Variants in ABCC4 observed in about 807,000 individuals in gnomAD.
The protein encoded by ABCC4 is ATP binding cassette subfamily C member 4 (PEL blood group), also known as ATP-binding cassette sub-family C member 4.
In ABCC4, 102 loss-of-function variants were observed where a neutral mutation model predicts 168.5. That is an observed-to-expected ratio of 0.61 (90% confidence interval 0.52 to 0.71). ABCC4 has a LOEUF of 0.71. ABCC4 is among the 30% of genes least tolerant of loss of function. ABCC4 has a pLI of 0.00. For missense variants in ABCC4, 1,402 were observed against 1,605.8 expected (o/e 0.87, Z 2.17); for synonymous variants, 617 against 590.7 (o/e 1.04, Z -0.65).
At chr13:95,162,763 C>A (rs1412506354) in intron 18 of ABCC4, among the ~76,000 whole-genome samples, 4 of 152,170 alleles carry the variant, frequency 2.6e-5, no homozygotes, top group African/African-American at 9.7e-5. Flanking sequence ...ACCATCCGAA[C>A]CACAGGGTGG....
At chr13:95,097,616 T>TTC (rs59539583) in intron 20 of ABCC4, among the ~76,000 whole-genome samples, 7 of 120,028 alleles carry the variant, frequency 5.8e-5, no homozygotes, top group East Asian at 2.3e-4. Context: ...TTTTTTTTTT[T>TTC]CAAATGCACA....
intron 25 of ABCC4, among the ~76,000 whole-genome samples, chr13:95,067,736 T>C (rs1236233457): frequency 6.6e-6 from 1 of 152,116 alleles, no homozygotes; most frequent in East Asian, 1.9e-4. Flanking sequence ...GAAACTAATA[T>C]TTTTGCACAC....
chr13:95,028,353 T>C (rs2031647524), intron 30 of ABCC4, among the ~76,000 whole-genome samples: 1 of 151,978 alleles, frequency 6.6e-6, no homozygotes, highest in Non-Finnish European at 1.5e-5. Context: ...CCAAAGAACA[T>C]CTAGAAAAAC....
Position 95,034,704 on chromosome 13 carries a change from C to G in ABCC4, c.3771G>C (p.Glu1257Asp). The G allele has an allele frequency of 6.2e-7, 1 of 1,614,212 alleles. No homozygotes were observed. Among genetic ancestry groups the G allele is most frequent in the Non-Finnish European group, 8.5e-7 (1 of 1,180,044 alleles). The change falls in exon 30 of 31, where the codon GAG (glutamate) becomes GAC (aspartate). Residue 1257 changes from glutamate to aspartate, a missense_variant. By Grantham distance (45) the Glu-to-Asp change is conservative. Coordinates refer to ENST00000645237, the MANE Select transcript of ABCC4 (RefSeq NM_005845.5). ...LDSGRLKEYD[E>D]PYVLLQNKES... The stretch of plus-strand genomic sequence containing the variant: ...CTTTATTTTGCAGCAAAACATACGG[C>G]TCATCATATTCTTTCAGTCTTCCTG...
At position 95,274,494 on chromosome 13, in the gene ABCC4, G is replaced by A. The variant is rs531133557; in HGVS notation, c.75-26741C>T. Among the ~76,000 whole-genome samples, 3 of 152,294 alleles carry A rather than the reference G, an allele frequency of 2.0e-5. No homozygotes were observed. In the East Asian group the frequency reaches 5.8e-4, roughly 29 times the overall value. On this transcript the variant is annotated intron_variant, in intron 1 of 30. Transcript: ENST00000645237. ...TAACAAGCAACTAGAAACCATGCCT[G>A]TAGCTTACAGCCTGCCAAAATTATT...
intron 14 of ABCC4, among the ~76,000 whole-genome samples, chr13:95,166,657 G>C (rs765280879): frequency 1.4e-4 from 22 of 152,142 alleles, no homozygotes; most frequent in Non-Finnish European, 2.6e-4. Context: ...TCTTATTACA[G>C]AACATGAAAA....
chr13:95,038,865 T>C (rs1396279354), intron 29 of ABCC4, among the ~76,000 whole-genome samples: 1 of 151,892 alleles, frequency 6.6e-6, no homozygotes, highest in Non-Finnish European at 1.5e-5. Flanking sequence ...AAAACAGATA[T>C]GGAAGGAGGT....
intron 1 of ABCC4, among the ~76,000 whole-genome samples, chr13:95,273,816 G>GTTTTTT (rs753327163): frequency 4.1e-5 from 4 of 98,638 alleles, no homozygotes; most frequent in East Asian, 2.6e-4. Flanking sequence ...TTTTTGGTTT[G>GTTTTTT]TTTTTTTTTT....
At chr13:95,258,416 ATCT>A (rs1003425867) in intron 1 of ABCC4, among the ~76,000 whole-genome samples, 11 of 151,992 alleles carry the variant, frequency 7.2e-5, no homozygotes, top group Admixed American at 4.6e-4. Context: ...CCATGATTAG[ATCT>A]TCTCTCCTGC....
intron 11 of ABCC4, among the ~76,000 whole-genome samples, 186 bp from the exon 12 acceptor site, chr13:95,178,277 C>G (rs1264229688): frequency 6.6e-6 from 1 of 152,234 alleles, no homozygotes; most frequent in Non-Finnish European, 1.5e-5. Flanking sequence ...CTATCAAATA[C>G]ACAGTCAGGG....
intron 19 of ABCC4, among the ~76,000 whole-genome samples, chr13:95,152,774 A>G (rs535749785): frequency 1.3e-5 from 2 of 152,306 alleles, no homozygotes; most frequent in South Asian, 2.1e-4. Flanking sequence ...AACTCCAATT[A>G]TAAGTGAAAA....
At chr13:95,134,295 T>C (rs1157295182) in intron 19 of ABCC4, among the ~76,000 whole-genome samples, 2 of 152,198 alleles carry the variant, frequency 1.3e-5, no homozygotes, top group East Asian at 1.9e-4. Context: ...ACATTCTCTA[T>C]ACTTCCAGGG....
At chr13:95,129,497 T>C (rs971108470) in intron 19 of ABCC4, among the ~76,000 whole-genome samples, 3 of 152,196 alleles carry the variant, frequency 2.0e-5, no homozygotes, top group Admixed American at 6.5e-5. Context: ...ATAGTACTGA[T>C]TCAGGACTAA....
At chr13:95,276,960 AG>A (rs2040987227) in intron 1 of ABCC4, among the ~76,000 whole-genome samples, 1 of 152,148 alleles carries the variant, frequency 6.6e-6, no homozygotes, top group African/African-American at 2.4e-5. Flanking sequence ...CAAAAGTTGG[AG>A]TTAGCCGAAG....
At position 95,083,282 on chromosome 13, in the gene ABCC4, T is replaced by C. The variant is rs1039740946; in HGVS notation, c.2544A>G (p.Leu848=). Residue 848 remains leucine (L), a synonymous_variant, in exon 21 of 31, where the codon CTA becomes CTG. Coordinates refer to ENST00000645237, the MANE Select transcript of ABCC4 (RefSeq NM_005845.5). ...LTFLDFIQTL[L]QVVGVVSVAV... is the part of the protein sequence containing the mutation. ...CCACAGAGACCACACCAACCACTTGTAGCAATGTCTGAAATAGCAGAAGTA... is the reference window on the plus strand; with the variant it reads ...CCACAGAGACCACACCAACCACTTGCAGCAATGTCTGAAATAGCAGAAGTA... 1.2e-6 allele frequency: 2 copies of C among 1,613,598 alleles called. No homozygotes were observed. Among genetic ancestry groups the C allele is most frequent in the Non-Finnish European group, 1.7e-6 (2 of 1,179,776 alleles).
At chr13:95,178,951 T>C (rs1172982036) in intron 11 of ABCC4, among the ~76,000 whole-genome samples, 11 of 152,094 alleles carry the variant, frequency 7.2e-5, no homozygotes, top group African/African-American at 2.7e-4. Context: ...GAGGACTGCA[T>C]TGGTTTTGGT....
chr13:95,288,936 T>G (rs1038602521), intron 1 of ABCC4, among the ~76,000 whole-genome samples: 3 of 152,222 alleles, frequency 2.0e-5, no homozygotes, highest in African/African-American at 4.8e-5. Flanking sequence ...TTAGAATTCA[T>G]GTAAATGCCA....
At chr13:95,114,177 C>T (rs755324951) in intron 20 of ABCC4, among the ~76,000 whole-genome samples, 18 of 152,122 alleles carry the variant, frequency 1.2e-4, no homozygotes, top group Non-Finnish European at 2.4e-4. Context: ...TAATAACAAA[C>T]GCCCTTGTCT....
intron 1 of ABCC4, among the ~76,000 whole-genome samples, chr13:95,254,461 GT>G (rs1043200011): frequency 1.3e-5 from 2 of 152,120 alleles, no homozygotes; most frequent in Non-Finnish European, 2.9e-5. Context: ...CCTCTTGGGT[GT>G]CTGATAAGCA....
Sources: allele counts gnomAD v4.1 joint callset (sites outside exome capture counted in the v4.1 genomes callset), GRCh38; gene constraint gnomAD v4.1.1; transcripts MANE v1.5; gene names NCBI Gene and HGNC (gene_info 2026-07-23, HGNC 2026-07-21).